The following PRKG1 variants were observed in gnomAD, a reference collection of about 807,000 sequenced individuals.
PRKG1 encodes protein kinase cGMP-dependent 1, also known as cGMP-dependent protein kinase 1.
PRKG1 carries 35 observed loss-of-function variants against 88.1 expected under a neutral mutation model. That is an observed-to-expected ratio of 0.40 (90% CI 0.30 to 0.53). The LOEUF (loss-of-function observed/expected upper bound fraction) is 0.53, where lower values mean the gene tolerates loss of function less well. PRKG1 is among the 20% of genes least tolerant of loss of function. The probability of loss-of-function intolerance (pLI) is 0.59; values close to 1 mark genes in which losing one functional copy is unlikely to be tolerated. For missense variants in PRKG1, 540 were observed against 839.8 expected, an observed-to-expected ratio of 0.64 and a Z score of 4.41; for synonymous variants, 303 against 292.5, an observed-to-expected ratio of 1.04 and a Z score of -0.37.
At chr10:51,170,430 C>T (rs1292933196) in intron 2 of PRKG1, among the ~76,000 whole-genome samples, 1 of 123,574 alleles carries the variant, frequency 8.1e-6, no homozygotes, top group African/African-American at 3.7e-5. Flanking sequence ...TTTCAAATGT[C>T]TGGGTATACA....
chr10:51,948,235 A>G (rs970761648), intron 5 of PRKG1, among the ~76,000 whole-genome samples: 1 of 152,182 alleles, frequency 6.6e-6, no homozygotes, highest in South Asian at 2.1e-4. Flanking sequence ...TGCCATACAT[A>G]GAACAATTTC....
intron 13 of PRKG1, 104 bp downstream of exon 13, chr10:52,281,034 T>A: frequency 7.4e-7 from 1 of 1,350,702 alleles, no homozygotes; most frequent in African/African-American, 1.5e-5. Context: ...CTTTTCAATG[T>A]TGTAACTTTC....
chr10:51,556,773 T>A (rs1837323170), intron 3 of PRKG1, among the ~76,000 whole-genome samples: 1 of 152,038 alleles, frequency 6.6e-6, no homozygotes, highest in Non-Finnish European at 1.5e-5. Context: ...TGTTGGGTAC[T>A]ATGGTCACTA....
chr10:52,192,298 A>G (rs1217681241), intron 9 of PRKG1, among the ~76,000 whole-genome samples: 1 of 152,078 alleles, frequency 6.6e-6, no homozygotes, highest in Non-Finnish European at 1.5e-5. Flanking sequence ...AAGATCAGCC[A>G]TTTCTCAAGT....
intron 2 of PRKG1, among the ~76,000 whole-genome samples, chr10:51,405,594 G>A (rs187369422): frequency 1.3e-5 from 2 of 152,260 alleles, no homozygotes; most frequent in Non-Finnish European, 2.9e-5. Context: ...ATTTACGTCT[G>A]GCACATATAT....
chr10:51,457,652 T>G (rs143489789), intron 2 of PRKG1, among the ~76,000 whole-genome samples: 1 of 152,354 alleles, frequency 6.6e-6, no homozygotes, highest in African/African-American at 2.4e-5. Context: ...TTAGCATATT[T>G]TTAAGCTTCA....
Position 51,572,646 on chromosome 10 carries a change from A to C in PRKG1, c.592+104810A>C, listed in dbSNP as rs139069837. Among the ~76,000 whole-genome samples, 870 of 151,962 alleles carry C rather than the reference A, an allele frequency of 5.7e-3. 8 individuals are homozygous for C. Among genetic ancestry groups the C allele is most frequent in the African/African-American group, 0.02 (834 of 41,540 alleles). ...TTCCAATTCCAGGGGCCTATTCCCCAGACCTACTGAAACTCTGGGATCAGG... is the reference window on the plus strand; with the variant it reads ...TTCCAATTCCAGGGGCCTATTCCCCCGACCTACTGAAACTCTGGGATCAGG... On this transcript the variant is annotated intron_variant, in intron 3 of 17. Coordinates refer to ENST00000373980, the MANE Select transcript of PRKG1 (RefSeq NM_006258.4).
At chr10:52,070,658 A>G (rs1471309806) in intron 7 of PRKG1, among the ~76,000 whole-genome samples, 2 of 152,012 alleles carry the variant, frequency 1.3e-5, no homozygotes, top group Admixed American at 6.6e-5. Flanking sequence ...CCTTATTCAC[A>G]TTTGAATCTT....
chr10:51,043,399 T>G (rs2132760696), intron 1 of PRKG1, among the ~76,000 whole-genome samples: 1 of 152,360 alleles, frequency 6.6e-6, no homozygotes, highest in East Asian at 1.9e-4. Flanking sequence ...ATGCTTATTC[T>G]TCAGGTCTCA....
At chr10:52,035,588 C>A (rs1036971326) in intron 5 of PRKG1, among the ~76,000 whole-genome samples, 1 of 151,926 alleles carries the variant, frequency 6.6e-6, no homozygotes, top group Middle Eastern at 3.2e-3. Context: ...TCAGATGGAT[C>A]AGAGAGATAC....
chr10:51,341,207 A>G (rs1203097264), intron 2 of PRKG1, among the ~76,000 whole-genome samples: 1 of 152,210 alleles, frequency 6.6e-6, no homozygotes, highest in African/African-American at 2.4e-5. Flanking sequence ...TTTATAAACT[A>G]TTACTTTTTT....
intron 1 of PRKG1, among the ~76,000 whole-genome samples, chr10:51,039,309 T>C (rs1485994564): frequency 2.0e-5 from 3 of 152,236 alleles, no homozygotes; most frequent in Non-Finnish European, 4.4e-5. Flanking sequence ...ATTGTAGTTT[T>C]GATTTGCATT....
intron 3 of PRKG1, among the ~76,000 whole-genome samples, chr10:51,520,938 T>G (rs1021938340): frequency 7.2e-5 from 11 of 151,932 alleles, no homozygotes; most frequent in Admixed American, 4.6e-4. Context: ...TTTAAGGAGG[T>G]TTTAATCAGA....
intron 3 of PRKG1, among the ~76,000 whole-genome samples, chr10:51,671,938 T>G (rs1840591609): frequency 6.6e-6 from 1 of 152,322 alleles, no homozygotes; most frequent in African/African-American, 2.4e-5. Context: ...TAATTATATC[T>G]GCAAAGATCC....
At chr10:51,882,704 A>G (rs1841467722) in intron 4 of PRKG1, among the ~76,000 whole-genome samples, 1 of 152,144 alleles carries the variant, frequency 6.6e-6, no homozygotes, top group Non-Finnish European at 1.5e-5. Context: ...TGAGGCTTGG[A>G]TATTGATTTG....
chr10:52,259,990 T>C (rs1396916092), intron 10 of PRKG1, among the ~76,000 whole-genome samples: 1 of 151,976 alleles, frequency 6.6e-6, no homozygotes, highest in Non-Finnish European at 1.5e-5. Context: ...TTTTCTTTTT[T>C]CCTTAATTTA....
In PRKG1 at chr10:52,123,848, A is replaced by G. The variant is rs548743834; in HGVS notation, c.936-9992A>G. ...AAAAGAAAGTGAATCTTAAAAAAAA[A>G]ATAAATCCTTAGAACTACCTCCAGA... On this transcript the variant is annotated intron_variant, in intron 7 of 17. Coordinates refer to ENST00000373980, the MANE Select transcript of PRKG1 (RefSeq NM_006258.4). Among the ~76,000 whole-genome samples the G allele has an allele frequency of 8.5e-5, 13 of 152,282 alleles. No homozygotes were observed. The East Asian group carries it at 2.5e-3, about 29-fold the overall frequency.
chr10:51,663,726 A>T (rs1386463850), intron 3 of PRKG1, among the ~76,000 whole-genome samples: 1 of 132,950 alleles, frequency 7.5e-6, no homozygotes, highest in Admixed American at 7.7e-5. Context: ...AAAAAAAAAC[A>T]CACCTGACTT....
At chr10:51,557,496 A>T (rs1837344477) in intron 3 of PRKG1, among the ~76,000 whole-genome samples, 1 of 151,902 alleles carries the variant, frequency 6.6e-6, no homozygotes, top group Non-Finnish European at 1.5e-5. Flanking sequence ...GGGAGTTATG[A>T]GTATGGGCTT....
Sources: allele counts gnomAD v4.1 joint callset (sites outside exome capture counted in the v4.1 genomes callset), GRCh38; gene constraint gnomAD v4.1.1; transcripts MANE v1.5; gene names NCBI Gene and HGNC (gene_info 2026-07-23, HGNC 2026-07-21).